Variants in CMTM4 observed in about 807,000 individuals in gnomAD.
The protein encoded by CMTM4 is CKLF like MARVEL transmembrane domain containing 4.
CMTM4 carries 8 observed loss-of-function variants against 19.0 expected under a neutral mutation model. The ratio of observed to expected loss-of-function variants is 0.42; its 90% confidence interval spans 0.25 to 0.76. The LOEUF is 0.76. Among genes scored for constraint, CMTM4 ranks in the 30% least tolerant of loss-of-function variants. The pLI, the probability that CMTM4 is intolerant of heterozygous loss-of-function variation, is 0.27. For synonymous variants in CMTM4, 106 were observed against 121.1 expected (o/e 0.88, Z 0.82); for missense variants, 228 against 290.2 (o/e 0.79, Z 1.56).
At chr16:66,654,695 A>T (rs1417078683) in intron 1 of CMTM4, among the ~76,000 whole-genome samples, 1 of 152,188 alleles carries the variant, frequency 6.6e-6, no homozygotes, top group Non-Finnish European at 1.5e-5. Context: ...GACCCTGGGC[A>T]CATTTACTTC....
At chr16:66,599,332 A>G in the CMTM4 span, among the ~76,000 whole-genome samples, 1 of 151,994 alleles carries the variant, frequency 6.6e-6, no homozygotes. Context: ...ATATAAGGGG[A>G]CCTCCAAAAG....
At chr16:66,688,551 CAT>C (rs1491046055) in intron 1 of CMTM4, among the ~76,000 whole-genome samples, 3 of 151,680 alleles carry the variant, frequency 2.0e-5, no homozygotes, top group African/African-American at 4.9e-5. Context: ...CACACACACA[CAT>C]TCTACCCTAA....
At chr16:66,686,999 G>A (rs564044894) in intron 1 of CMTM4, among the ~76,000 whole-genome samples, 5 of 152,164 alleles carry the variant, frequency 3.3e-5, no homozygotes, top group East Asian at 3.9e-4. Flanking sequence ...GTCATAATAC[G>A]ATGATTATTT....
At chr16:66,612,665 AGCCACACAGGCCTCCACCCCTGC>A (rs2015424856), downstream of CMTM4, 1 of 1,612,268 alleles carries the variant, frequency 6.2e-7, no homozygotes, top group South Asian at 1.1e-5. This position sits in a 1 kb window ranked among gnomAD's most constrained non-coding sequence, Gnocchi z 6.0. Context: ...TGGCAACCTG[AGCCACACAGGCCTCCACCCCTGC>A]GCCTCACAGG....
At chr16:66,658,472 G>A (rs2016439415) in intron 1 of CMTM4, among the ~76,000 whole-genome samples, 1 of 152,088 alleles carries the variant, frequency 6.6e-6, no homozygotes, top group African/African-American at 2.4e-5. Flanking sequence ...GCTTTCTGTG[G>A]CTCTTTCTTC....
intron 1 of CMTM4, among the ~76,000 whole-genome samples, chr16:66,661,836 G>C (rs983099325): frequency 9.2e-5 from 14 of 152,144 alleles, no homozygotes; most frequent in Admixed American, 2.0e-4. Context: ...AGGAGGCTGA[G>C]GCAGGAGAAT....
chr16:66,646,707 A>ATT (rs199769115), intron 1 of CMTM4, among the ~76,000 whole-genome samples: 10 of 138,986 alleles, frequency 7.2e-5, no homozygotes, highest in Non-Finnish European at 7.9e-5. Flanking sequence ...CCATTCATGA[A>ATT]TTTTTTTTTT....
At chr16:66,604,694 T>C in the CMTM4 span, 2 of 859,788 alleles carry the variant, frequency 2.3e-6, no homozygotes, top group African/African-American at 1.8e-5. Context: ...GATGCGCCCC[T>C]GCGCGAGCCA....
At chr16:66,610,688 C>T (rs981543412), downstream of CMTM4, among the ~76,000 whole-genome samples, 1 of 152,104 alleles carries the variant, frequency 6.6e-6, no homozygotes, top group Admixed American at 6.5e-5. The surrounding 1 kb of genome is among the most constrained non-coding windows in gnomAD (Gnocchi z 4.6). Flanking sequence ...TGGGGAGATG[C>T]TTCTCTGGAC....
At chr16:66,600,138 T>TG in the CMTM4 span, among the ~76,000 whole-genome samples, 2,403 of 126,166 alleles carry the variant, frequency 0.019, 46 homozygotes, top group African/African-American at 0.044. Flanking sequence ...GTGTGTGTGT[T>TG]TTTTTTTGTT....
At chr16:66,628,240 G>A (rs1159515704) in intron 2 of CMTM4, among the ~76,000 whole-genome samples, 1 of 152,150 alleles carries the variant, frequency 6.6e-6, no homozygotes, top group African/African-American at 2.4e-5. Flanking sequence ...AGGAGACAGT[G>A]GCCTTTCTCT....
In CMTM4 at chr16:66,618,387, A is replaced by T. The variant is rs1567400872; in HGVS notation, c.*3671T>A. 1.0e-6 allele frequency: 1 copy of T among 985,332 alleles called. No individual in the cohort carries two copies. Among genetic ancestry groups the T allele is most frequent in the Non-Finnish European group, 1.2e-6 (1 of 829,948 alleles). 61.0% of individuals were successfully genotyped at this position (985,332 alleles called of 1,614,324 possible). A position where few individuals can be genotyped will look rare whatever the true frequency, so the allele number is the denominator to read the frequency against. Reference sequence around the variant, plus strand: ...ATGAGACAATAGGAACCCTTAAATCATCACTGCCTTGCAGAATCACTAAAT... The same window carrying T: ...ATGAGACAATAGGAACCCTTAAATCTTCACTGCCTTGCAGAATCACTAAAT... On this transcript the variant is annotated 3_prime_UTR_variant, in exon 4 of 4. Transcript: ENST00000394106.
downstream of CMTM4, chr16:66,613,389 G>A (rs78650248): frequency 8.1e-3 from 3,476 of 430,010 alleles, 88 homozygotes; most frequent in African/African-American, 0.06. Flanking sequence ...GGAGCTGGGC[G>A]GGCCCAGCCA....
chr16:66,690,611 G>A (rs1335258467), intron 1 of CMTM4, among the ~76,000 whole-genome samples: 2 of 152,090 alleles, frequency 1.3e-5, no homozygotes, highest in Non-Finnish European at 2.9e-5. Context: ...AAATAAAAGA[G>A]ATGCCATTAC....
chr16:66,624,125 C>G (rs1342888590), intron 2 of CMTM4, among the ~76,000 whole-genome samples: 1 of 152,208 alleles, frequency 6.6e-6, no homozygotes, highest in Non-Finnish European at 1.5e-5. Context: ...GGGTCCAAAC[C>G]ACCCATATGA....
At chr16:66,664,921 G>T (rs1195509579) in intron 1 of CMTM4, among the ~76,000 whole-genome samples, 4 of 151,532 alleles carry the variant, frequency 2.6e-5, no homozygotes, top group Non-Finnish European at 5.9e-5. Context: ...TTGAGGCCAG[G>T]AGTTCAAGGC....
At chr16:66,686,303 A>T (rs12927987) in intron 1 of CMTM4, among the ~76,000 whole-genome samples, 78,494 of 150,216 alleles carry the variant, frequency 0.52, 20,985 homozygotes, top group Middle Eastern at 0.69. Context: ...GGCTCACACC[A>T]GTAATCCCAG....
At chr16:66,685,594 T>G (rs972821920) in intron 1 of CMTM4, among the ~76,000 whole-genome samples, 1 of 152,062 alleles carries the variant, frequency 6.6e-6, no homozygotes, top group Admixed American at 6.6e-5. Context: ...TGTCCTTACC[T>G]CTAAGCATCC....
At chr16:66,676,459 T>C (rs1340491640) in intron 1 of CMTM4, among the ~76,000 whole-genome samples, 5 of 152,090 alleles carry the variant, frequency 3.3e-5, no homozygotes, top group African/African-American at 7.2e-5. Context: ...GGGGAAAGAA[T>C]GCGACCCTGA....
Sources: gnomAD v4.1 joint callset for allele counts (sites outside exome capture counted in the v4.1 genomes callset) on GRCh38, gnomAD v4.1.1 for gene constraint, Gnocchi (gnomAD v3.1) non-coding constraint, MANE v1.5 for transcripts, NCBI Gene and HGNC (gene_info 2026-07-23, HGNC 2026-07-21) for gene names.